The following PTPN13 variants were observed in gnomAD, a reference collection of about 807,000 sequenced individuals.
PTPN13 encodes the protein protein tyrosine phosphatase non-receptor type 13.
Under a neutral mutation model 284.0 loss-of-function variants are expected in PTPN13, and 191 were observed. The observed-to-expected ratio is 0.67, with a 90% CI of 0.60 to 0.76. The LOEUF (loss-of-function observed/expected upper bound fraction) is 0.76. PTPN13 is among the 30% of genes least tolerant of loss of function. The pLI is 0.00. For missense variants in PTPN13, 2,797 were observed against 2,939.9 expected (o/e 0.95, Z 1.12); for synonymous variants, 986 against 1,022.3 (o/e 0.96, Z 0.68).
chr4:86,795,350 T>C (rs553950981), intron 40 of PTPN13, among the ~76,000 whole-genome samples: 21 of 152,302 alleles, frequency 1.4e-4, no homozygotes, highest in African/African-American at 4.6e-4. Context: ...TACCATCTCA[T>C]GCCGGTTAGA....
In PTPN13 at chr4:86,751,136, C is replaced by T; in HGVS notation, c.3166+12C>T. 2.0e-6 allele frequency: 3 copies of T among 1,523,994 alleles called. No individual in the cohort carries two copies. The highest frequency in any genetic ancestry group is 2.7e-6 in the Non-Finnish European group (3 of 1,101,142). The allele number at this position is 1,523,994 out of a possible 1,614,324, so 94.4% of individuals were successfully genotyped here. On this transcript the variant is annotated intron_variant, in intron 19 of 47. Transcript: ENST00000411767. ...AGCATATGTTCTAGGTCAGCAAAAA[C>T]AAGCTTACCTTCTTTGTCCCATACC...
At chr4:86,770,064 T>C in intron 29 of PTPN13, 37 bp from the exon 30 acceptor site, 23 of 1,611,480 alleles carry the variant, frequency 1.4e-5, no homozygotes, top group Non-Finnish European at 1.9e-5. Flanking sequence ...AATGCTGGTT[T>C]AACTGTACCT....
chr4:86,765,573 C>G, intron 26 of PTPN13, 85 bp downstream of exon 26: 1 of 882,480 alleles, frequency 1.1e-6, no homozygotes, highest in East Asian at 2.7e-5. Flanking sequence ...AACTGACCTT[C>G]AAATTCATGA....
intron 2 of PTPN13, among the ~76,000 whole-genome samples, chr4:86,642,637 T>C (rs1723946802): frequency 6.6e-6 from 1 of 151,808 alleles, no homozygotes; most frequent in Admixed American, 6.6e-5. Context: ...GTATTTTTTG[T>C]AGAGACGGGG....
intron 2 of PTPN13, among the ~76,000 whole-genome samples, chr4:86,645,705 A>G (rs2148780596): frequency 6.6e-6 from 1 of 152,312 alleles, no homozygotes; most frequent in South Asian, 2.1e-4. Context: ...ACCTAAATAG[A>G]GAGCTATGGT....
chr4:86,759,017 A>G lies in PTPN13; in HGVS notation c.3497A>G (p.Asn1166Ser). 1 of 1,613,708 alleles carries G rather than the reference A, an allele frequency of 6.2e-7. No individual in the cohort carries two copies. The highest frequency in any genetic ancestry group is 8.5e-7 in the Non-Finnish European group (1 of 1,179,724). ...SHHAAIEILQ[N>S]APEDVTLVIS... ...CATGCTGCAATTGAAATTTTGCAAAATGCACCTGAAGATGTGACACTTGTT... is the reference window on the plus strand; with the variant it reads ...CATGCTGCAATTGAAATTTTGCAAAGTGCACCTGAAGATGTGACACTTGTT... Residue 1166 changes from asparagine (N) to serine (S), a missense_variant, in exon 23 of 48, where the codon AAT (asparagine) becomes AGT (serine). Transcript: ENST00000411767.
chr4:86,814,809 C>A lies in PTPN13; in HGVS notation c.*258C>A. On this transcript the variant is annotated 3_prime_UTR_variant, in exon 48 of 48. Transcript: ENST00000411767. ...AGATCTTAGGGATGATTAAAGGCAG[C>A]ATTTGATGATAGCAGACATTGTTAC... 3.0e-6 allele frequency: 1 copy of A among 328,702 alleles called. No individual in the cohort carries two copies. The allele number at this position is 328,702 out of a possible 1,614,324, so 20.4% of individuals were successfully genotyped here.
In PTPN13 at chr4:86,726,795, AC is replaced by A. The variant is rs1466565418; in HGVS notation, c.1608+4364del. On this transcript the variant is annotated intron_variant, in intron 10 of 47. Transcript: ENST00000411767. ...TGACTTCCTCTTTTCCTAATTGAATACCCTTTATTTCTTTCTCTTGCCTGAT... is the reference window on the plus strand; with the variant it reads ...TGACTTCCTCTTTTCCTAATTGAATACCTTTATTTCTTTCTCTTGCCTGAT... Among the ~76,000 whole-genome samples the A allele has an allele frequency of 1.3e-5, 2 of 149,006 alleles. 1 individual carries two copies. The highest frequency in any genetic ancestry group is 3.0e-5 in the Non-Finnish European group (2 of 66,464).
chr4:86,802,438 C>A (rs1331787009), intron 42 of PTPN13, among the ~76,000 whole-genome samples: 1 of 151,906 alleles, frequency 6.6e-6, no homozygotes, highest in Non-Finnish European at 1.5e-5. Flanking sequence ...CATGATAAAC[C>A]CCTTATCAAA....
rs551959519 is a variant in PTPN13 at position 86,597,090 on chromosome 4, G to C, written c.-6+2301G>C. Among the ~76,000 whole-genome samples, 401 of 151,780 alleles carry C rather than the reference G, an allele frequency of 2.6e-3. 2 individuals carry two copies. The highest frequency in any genetic ancestry group is 9.4e-3 in the African/African-American group (387 of 41,370). ...CTTTACAAGGTAGGGGCCTGAGAAAGGAGAAAAGATAATGGGCCTTAGGAT... is the reference window on the plus strand; with the variant it reads ...CTTTACAAGGTAGGGGCCTGAGAAACGAGAAAAGATAATGGGCCTTAGGAT... On this transcript the variant is annotated intron_variant, in intron 1 of 47. Transcript: ENST00000411767.
At position 86,717,910 on chromosome 4, in the gene PTPN13, CTT is replaced by C. The variant is rs59313222; in HGVS notation, c.1385+800_1385+801del. Among the ~76,000 whole-genome samples the C allele has an allele frequency of 1.2e-3, 189 of 151,900 alleles. 2 individuals carry two copies. Among genetic ancestry groups the C allele is most frequent in the African/African-American group, 4.3e-3 (179 of 41,466 alleles). On this transcript the variant is annotated intron_variant, in intron 9 of 47. Coordinates refer to ENST00000411767, the MANE Select transcript of PTPN13 (RefSeq NM_080683.3). ...CTGGCTTAAAAGAGGTTATGTGGTA[CTT>C]TTTTTTAAAGCCTGATTTAGGCTAT... is the stretch of plus-strand genomic sequence containing the variant.
intron 2 of PTPN13, among the ~76,000 whole-genome samples, chr4:86,640,637 A>G (rs1397040833): frequency 1.3e-5 from 2 of 152,110 alleles, no homozygotes; most frequent in Non-Finnish European, 2.9e-5. Context: ...TTTTTATTAT[A>G]CTAATGGCAG....
chr4:86,730,877 C>A (rs1734861157), intron 10 of PTPN13, among the ~76,000 whole-genome samples: 1 of 152,204 alleles, frequency 6.6e-6, no homozygotes, highest in South Asian at 2.1e-4. Flanking sequence ...AATCACCCGT[C>A]TTCTGTGTCG....
At chr4:86,760,868 A>T (rs752939133) in intron 23 of PTPN13, among the ~76,000 whole-genome samples, 1 of 151,940 alleles carries the variant, frequency 6.6e-6, no homozygotes, top group Admixed American at 6.6e-5. Flanking sequence ...AAGAGGTAAA[A>T]CCCAAAAGAA....
chr4:86,765,426 G>A lies in PTPN13; in HGVS notation c.4181G>A (p.Gly1394Asp). ...GTGAATACGAGTGTCAGACATGGTGGCATTTATGTGAAAGCTGTTATTCCC... is the reference window on the plus strand; with the variant it reads ...GTGAATACGAGTGTCAGACATGGTGACATTTATGTGAAAGCTGTTATTCCC... ...GGVNTSVRHG[G>D]IYVKAVIPQG... Residue 1394 changes from glycine to aspartate, a missense_variant, in exon 26 of 48, where the codon GGC becomes GAC. Gly to Asp is a moderately conservative substitution (Grantham distance 94, BLOSUM62 -1). Transcript: ENST00000411767. The A allele has an allele frequency of 6.2e-7, 1 of 1,602,822 alleles. No homozygotes were observed. The highest frequency in any genetic ancestry group is 1.1e-5 in the South Asian group (1 of 88,682).
At chr4:86,734,500 TCTTTTGACCCTTTAG>T in intron 13 of PTPN13, 44 bp downstream of exon 13, 1 of 1,455,074 alleles carries the variant, frequency 6.9e-7, no homozygotes, top group Non-Finnish European at 9.2e-7. Context: ...TGGACACTGG[TCTTTTGACCCTTTAG>T]CTTACTGATA....
chr4:86,790,028 T>G (rs926086249), intron 40 of PTPN13, among the ~76,000 whole-genome samples: 10 of 152,128 alleles, frequency 6.6e-5, no homozygotes, highest in Non-Finnish European at 1.3e-4. Context: ...TAATAGCACT[T>G]AACTCTTATA....
At chr4:86,688,553 G>A (rs867453517) in intron 4 of PTPN13, among the ~76,000 whole-genome samples, 2 of 151,844 alleles carry the variant, frequency 1.3e-5, no homozygotes, top group Middle Eastern at 3.2e-3. Context: ...TGGTCTTGAA[G>A]CATTGCAATA....
At position 86,807,175 on chromosome 4, in the gene PTPN13, A is replaced by T. The variant is rs77288189; in HGVS notation, c.6746-385A>T. Among the ~76,000 whole-genome samples, 18 of 152,260 alleles carry T rather than the reference A, an allele frequency of 1.2e-4. No individual in the cohort carries two copies. In the East Asian group the frequency reaches 2.1e-3, roughly 18 times the overall value. On this transcript the variant is annotated intron_variant, in intron 44 of 47. Transcript: ENST00000411767. ...TTTGGCATTGCCTTTCAGTGCTATT[A>T]TTATTATCATCATCATCATTAAAAT... is the stretch of plus-strand genomic sequence containing the variant.
Sources: gnomAD v4.1 joint callset for allele counts (sites outside exome capture counted in the v4.1 genomes callset) on GRCh38, gnomAD v4.1.1 for gene constraint, MANE v1.5 for transcripts, NCBI Gene and HGNC (gene_info 2026-07-23, HGNC 2026-07-21) for gene names.